Variants in RGPD3 observed in about 807,000 individuals in gnomAD.
RGPD3 encodes the protein ranBP2-like and GRIP domain-containing protein 3.
In RGPD3, 62 loss-of-function variants were observed where a neutral mutation model predicts 154.5. That is an observed-to-expected ratio of 0.40 (90% CI 0.33 to 0.50). The LOEUF (loss-of-function observed/expected upper bound fraction) is 0.50, where lower values mean the gene tolerates loss of function less well. Among genes scored for constraint, RGPD3 ranks in the 20% least tolerant of loss-of-function variants. RGPD3 has a pLI of 0.59. For missense variants in RGPD3, 919 were observed against 1,716.8 expected (o/e 0.54, Z 8.21); for synonymous variants, 308 against 607.0 (o/e 0.51, Z 7.24).
rs1358288266 is a variant in RGPD3, at chr2:106,404,106, T to C, written c.*1113A>G. Reference sequence around the variant, plus strand: ...ATGTAGCACGGACCTCTAAGGTGTCTAAAATCCCTTCTGATGGAAAGCTTA... The same window carrying C: ...ATGTAGCACGGACCTCTAAGGTGTCCAAAATCCCTTCTGATGGAAAGCTTA... On this transcript the variant is annotated 3_prime_UTR_variant, in exon 23 of 23. Transcript: ENST00000409886. Among the ~76,000 whole-genome samples the C allele has an allele frequency of 9.2e-5, 14 of 152,000 alleles. No individual in the cohort carries two copies. The highest frequency in any genetic ancestry group is 4.6e-4 in the Admixed American group (7 of 15,260).
chr2:106,423,738 C>G lies in RGPD3; in HGVS notation c.4229G>C (p.Arg1410Thr), dbSNP rs761234184. ...DQVLKLCANHRITPDMSLQNM... is the reference protein window; with the variant it reads ...DQVLKLCANHTITPDMSLQNM... ...TTGCAAACTCATGTCTGGAGTTATT[C>G]TGTGATTGGCACAAAGTTTTAATAC... Residue 1410 changes from arginine to threonine, a missense_variant, in exon 20 of 23, where the codon AGA (arginine) becomes ACA (threonine). Coordinates refer to ENST00000409886, the MANE Select transcript of RGPD3 (RefSeq NM_001144013.2). 5.4e-5 allele frequency: 87 copies of G among 1,611,638 alleles called. No homozygotes were observed. The highest frequency in any genetic ancestry group is 5.3e-4 in the Admixed American group (32 of 59,946).
chr2:106,441,947 A>C (rs374142378), intron 7 of RGPD3, among the ~76,000 whole-genome samples: 1 of 139,082 alleles, frequency 7.2e-6, no homozygotes, highest in Non-Finnish European at 1.5e-5. Flanking sequence ...TTGGGAGGCC[A>C]AGGTGGGGGG....
At chr2:106,410,344 C>T (rs1339912237) in intron 22 of RGPD3, among the ~76,000 whole-genome samples, 1 of 152,128 alleles carries the variant, frequency 6.6e-6, no homozygotes, top group Non-Finnish European at 1.5e-5. Context: ...TGTCTGTTTA[C>T]AGGACTTACC....
rs1263392862 is a variant in RGPD3, at chr2:106,465,943, C to T, written c.72+2274G>A. Among the ~76,000 whole-genome samples the T allele has an allele frequency of 3.9e-5, 6 of 152,022 alleles. No homozygotes were observed. The East Asian group carries it at 1.2e-3, about 30-fold the overall frequency. ...TGCCTACCTTGTCACTCGACGCAGC[C>T]GCCAAAGCTCACCCGGAGCTGCGTC... On this transcript the variant is annotated intron_variant, in intron 1 of 22. Transcript: ENST00000409886.
rs779931344 is a variant in RGPD3, at chr2:106,413,173, C to A, written c.5177G>T (p.Gly1726Val). 18 of 1,611,940 alleles carry A rather than the reference C, an allele frequency of 1.1e-5. No homozygotes were observed. The East Asian group carries it at 3.6e-4, about 32-fold the overall frequency. Residue 1726 changes from glycine (G) to valine (V), a missense_variant, in exon 22 of 23, where the codon GGT becomes GTT. Physicochemically the swap from Gly to Val is moderately radical, Grantham distance 109 (BLOSUM62 -3). Transcript: ENST00000409886. ...AGGAAGAAGTCTCTCTCTTTCACTA[C>A]CTGGCTTCAAGAAAATGAACTGCAG... ...VLLQFIFLKP[G>V]SERERLLPVI...
chr2:106,468,456 G>A (rs547883920), upstream of RGPD3: 15 of 1,348,526 alleles, frequency 1.1e-5, no homozygotes, highest in East Asian at 3.9e-4. Context: ...GAACGTTGGC[G>A]ACTTCGGCGC....
chr2:106,403,577 C>A lies in RGPD3; in HGVS notation c.*1642G>T, dbSNP rs1308534016. Among the ~76,000 whole-genome samples the A allele has an allele frequency of 6.6e-6, 1 of 152,248 alleles. No homozygotes were observed. Among genetic ancestry groups the A allele is most frequent in the South Asian group, 2.1e-4 (1 of 4,830 alleles). ...TTTCAAAACAAGTTTATACAGACTT[C>A]AAAAGGTCTCAAGTCAAAGAGAAAG... On this transcript the variant is annotated 3_prime_UTR_variant, in exon 23 of 23. Transcript: ENST00000409886.
chr2:106,409,002 T>TA (rs1209575262), intron 22 of RGPD3, among the ~76,000 whole-genome samples: 1 of 151,844 alleles, frequency 6.6e-6, no homozygotes. Flanking sequence ...CTTTTGATTT[T>TA]AAAAAAATAT....
chr2:106,468,111 G>A (rs1398088270), intron 1 of RGPD3, 106 bp downstream of exon 1: 7 of 1,406,956 alleles, frequency 5.0e-6, no homozygotes, highest in African/African-American at 4.5e-5. Context: ...AGGGAGCAGC[G>A]CTCGTCGGGA....
intron 22 of RGPD3, chr2:106,412,743 C>A: frequency 4.1e-6 from 2 of 485,784 alleles, no homozygotes; most frequent in Non-Finnish European, 8.0e-6. Context: ...AGAAAAGGAA[C>A]AAGCTAATAA....
intron 7 of RGPD3, among the ~76,000 whole-genome samples, chr2:106,446,322 C>A (rs1677928572): frequency 6.7e-6 from 1 of 150,016 alleles, no homozygotes; most frequent in Non-Finnish European, 1.5e-5. Flanking sequence ...AATCCCAGCA[C>A]TCTGGGAGGC....
intron 21 of RGPD3, among the ~76,000 whole-genome samples, 170 bp downstream of exon 21, chr2:106,415,674 CAAAAAA>C (rs879163469): frequency 0.034 from 1,538 of 44,746 alleles, 37 homozygotes; most frequent in African/African-American, 0.15. Context: ...AAGACTGTCT[CAAAAAA>C]AAAAAAAAAA....
intron 6 of RGPD3, among the ~76,000 whole-genome samples, chr2:106,449,660 G>A (rs533082947): frequency 3.3e-5 from 5 of 151,928 alleles, no homozygotes; most frequent in Non-Finnish European, 7.4e-5. Flanking sequence ...GGCAGATCAC[G>A]ATGTCAAGAG....
At chr2:106,466,330 C>T (rs1678587749) in intron 1 of RGPD3, among the ~76,000 whole-genome samples, 1 of 150,868 alleles carries the variant, frequency 6.6e-6, no homozygotes, top group Non-Finnish European at 1.5e-5. Flanking sequence ...CAGCGCCCGT[C>T]AGGAGCCATG....
At chr2:106,441,140 A>T (rs954533832) in intron 8 of RGPD3, among the ~76,000 whole-genome samples, 153 bp downstream of exon 8, 1 of 151,998 alleles carries the variant, frequency 6.6e-6, no homozygotes, top group Admixed American at 6.6e-5. Flanking sequence ...ATTTCTTCGC[A>T]TCTCTTCCAT....
chr2:106,407,588 G>A (rs1188830074), intron 22 of RGPD3, among the ~76,000 whole-genome samples: 1 of 151,948 alleles, frequency 6.6e-6, no homozygotes, highest in Non-Finnish European at 1.5e-5. Context: ...ATGTTCACCT[G>A]CAATGAATGG....
At position 106,426,087 on chromosome 2, in the gene RGPD3, A is replaced by G. The variant is rs1157548021; in HGVS notation, c.2607T>C (p.Val869=). 1 of 1,593,640 alleles carries G rather than the reference A, an allele frequency of 6.3e-7. No individual in the cohort carries two copies. The highest frequency in any genetic ancestry group is 1.7e-5 in the Admixed American group (1 of 59,674). ...SQTFHGAPLT[V]ATTGPSVYYS... The stretch of plus-strand genomic sequence containing the variant: ...AATATACTGAAGGGCCAGTAGTTGC[A>G]ACTAAAAAAAAAAAAGAAAAGAAAG... The change falls in exon 19 of 23, where the codon GTT becomes GTC. Residue 869 remains valine (V), a splice_region_variant and synonymous_variant. Transcript: ENST00000409886.
At chr2:106,449,536 A>G (rs1365920531) in intron 6 of RGPD3, among the ~76,000 whole-genome samples, 2 of 151,426 alleles carry the variant, frequency 1.3e-5, no homozygotes, top group African/African-American at 4.9e-5. Flanking sequence ...TTAATGGATT[A>G]CATTTTTTAT....
chr2:106,417,851 C>T (rs376702918), intron 20 of RGPD3, among the ~76,000 whole-genome samples: 44 of 151,032 alleles, frequency 2.9e-4, no homozygotes, highest in Admixed American at 5.3e-4. Flanking sequence ...TCATCAAGGC[C>T]GGGCGTGGTG....
Sources: allele counts gnomAD v4.1 joint callset (sites outside exome capture counted in the v4.1 genomes callset), GRCh38; gene constraint gnomAD v4.1.1; transcripts MANE v1.5; gene names NCBI Gene and HGNC (gene_info 2026-07-23, HGNC 2026-07-21).